The following HACD1 variants were observed in gnomAD, a reference collection of about 807,000 sequenced individuals.
HACD1 encodes very-long-chain (3R)-3-hydroxyacyl-CoA dehydratase 1.
Under a neutral mutation model 32.0 loss-of-function variants are expected in HACD1, and 41 were observed. The ratio of observed to expected loss-of-function variants is 1.28; its 90% CI spans 1.00 to 1.66. The LOEUF is 1.66. Among genes scored for constraint, HACD1 ranks in the 40% most tolerant of loss-of-function variants. The probability of loss-of-function intolerance (pLI) is 0.00; values close to 1 mark genes in which losing one functional copy is unlikely to be tolerated. For missense variants in HACD1, 396 were observed against 380.1 expected (o/e 1.04, Z -0.35); for synonymous variants, 142 against 139.0 (o/e 1.02, Z -0.15).
intron 5 of HACD1, among the ~76,000 whole-genome samples, chr10:17,594,728 G>A (rs1833972544): frequency 6.6e-6 from 1 of 152,106 alleles, no homozygotes; most frequent in Non-Finnish European, 1.5e-5. Context: ...CTGGAGTGCA[G>A]CGGCACAGTC....
intron 5 of HACD1, among the ~76,000 whole-genome samples, chr10:17,595,301 C>G (rs1833982569): frequency 6.6e-6 from 1 of 152,138 alleles, no homozygotes; most frequent in Non-Finnish European, 1.5e-5. Context: ...AATTTTATAT[C>G]TAAACCTTGA....
At chr10:17,613,434 T>G (rs940666545) in intron 1 of HACD1, among the ~76,000 whole-genome samples, 37 of 152,154 alleles carry the variant, frequency 2.4e-4, no homozygotes, top group Non-Finnish European at 5.0e-4. Flanking sequence ...TTCTTCAACC[T>G]TATTTACCAC....
At chr10:17,605,985 T>C (rs1834141641) in intron 1 of HACD1, among the ~76,000 whole-genome samples, 1 of 150,776 alleles carries the variant, frequency 6.6e-6, no homozygotes, top group African/African-American at 2.4e-5. Flanking sequence ...AAAAACAGCC[T>C]GGGCAACATG....
intron 5 of HACD1, 59 bp from the exon 6 acceptor site, chr10:17,594,442 T>C: frequency 7.8e-7 from 1 of 1,278,800 alleles, no homozygotes; most frequent in Non-Finnish European, 1.0e-6. Context: ...GACTTTACAT[T>C]GCAGGTCTAT....
rs71393019 is a variant in HACD1, at chr10:17,591,976, A to ATTTTTTTTTTTTT, written c.785-1543_785-1531dup. ...CCCTGCCTTAACTCACCAGCTACTG[A>ATTTTTTTTTTTTT]TTTTTTTTTTTTTTTTTTTTTTTGA... On this transcript the variant is annotated intron_variant, in intron 6 of 6. Transcript: ENST00000361271. Among the ~76,000 whole-genome samples, 379 of 96,932 alleles carry ATTTTTTTTTTTTT rather than the reference A, an allele frequency of 3.9e-3. 63 individuals are homozygous for ATTTTTTTTTTTTT. Among genetic ancestry groups the ATTTTTTTTTTTTT allele is most frequent in the African/African-American group, 0.015 (344 of 22,280 alleles). 63.6% of individuals were successfully genotyped at this position (96,932 alleles called of 152,430 possible). A position where few individuals can be genotyped will look rare whatever the true frequency, so the allele number is the denominator to read the frequency against.
chr10:17,616,324 T>C (rs1385237169), intron 1 of HACD1, among the ~76,000 whole-genome samples: 2 of 152,144 alleles, frequency 1.3e-5, no homozygotes, highest in African/African-American at 4.8e-5. Flanking sequence ...TTCCTCGCGT[T>C]TACATAAGTT....
Position 17,594,355 on chromosome 10 carries a change from C to A in HACD1, c.634G>T (p.Val212Phe). ...GTAAGAAGTTCACCAGCAACTCCAA[C>A]AGGATATAAGATGATAAAAAAATTA... is the stretch of plus-strand genomic sequence containing the variant. ...RYNFFIILYP[V>F]GVAGELLTIY... is the part of the protein sequence containing the mutation. Residue 212 changes from valine to phenylalanine, a missense_variant, in exon 6 of 7, where the codon GTT becomes TTT. By Grantham distance (50) the Val-to-Phe change is conservative. Transcript: ENST00000361271. The A allele has an allele frequency of 1.3e-6, 2 of 1,546,462 alleles. No homozygotes were observed. Among genetic ancestry groups the A allele is most frequent in the Non-Finnish European group, 1.7e-6 (2 of 1,147,182 alleles).
chr10:17,613,902 C>A (rs1326537222), intron 1 of HACD1, among the ~76,000 whole-genome samples: 1 of 137,198 alleles, frequency 7.3e-6, no homozygotes, highest in African/African-American at 2.9e-5. Context: ...CTTTGAGGGA[C>A]GAGTGAGTCA....
chr10:17,612,120 A>G (rs1203003633), intron 1 of HACD1, among the ~76,000 whole-genome samples: 1 of 151,808 alleles, frequency 6.6e-6, no homozygotes, highest in Non-Finnish European at 1.5e-5. Context: ...AAAAAAAAAA[A>G]AAAAAAAAAA....
chr10:17,600,581 C>T (rs191212838), intron 4 of HACD1, among the ~76,000 whole-genome samples: 5 of 152,212 alleles, frequency 3.3e-5, no homozygotes, highest in African/African-American at 7.2e-5. Flanking sequence ...TTGCCTCAGC[C>T]TCCCAAAGTG....
chr10:17,603,863 T>C, intron 2 of HACD1, 67 bp downstream of exon 2: 1 of 1,492,814 alleles, frequency 6.7e-7, no homozygotes, highest in Non-Finnish European at 9.3e-7. Context: ...TCATATTGAT[T>C]TTGCACAACA....
At chr10:17,607,985 A>G (rs1214579918) in intron 1 of HACD1, among the ~76,000 whole-genome samples, 1 of 152,070 alleles carries the variant, frequency 6.6e-6, no homozygotes, top group African/African-American at 2.4e-5. Context: ...AACAGAAAAT[A>G]TTTCAAAAGC....
chr10:17,591,281 A>G (rs781935531), intron 6 of HACD1, among the ~76,000 whole-genome samples: 1 of 152,122 alleles, frequency 6.6e-6, no homozygotes, highest in Admixed American at 6.6e-5. Context: ...ATACTGATAC[A>G]TGGTTAACCC....
rs76819191 is a variant in HACD1 at position 17,603,701 on chromosome 10, G to C, written c.394+25C>G. The C allele has an allele frequency of 0.029, 45,952 of 1,603,130 alleles. 807 individuals carry two copies. The highest frequency in any genetic ancestry group is 0.066 in the African/African-American group (4,919 of 74,582). On this transcript the variant is annotated intron_variant, in intron 3 of 6. Transcript: ENST00000361271. Reference sequence around the variant, plus strand: ...GCCCTAAAGGCAATTTATAATAAAAGTATAAAATTGAAGCAAAAACTCACC... The same window carrying C: ...GCCCTAAAGGCAATTTATAATAAAACTATAAAATTGAAGCAAAAACTCACC...
chr10:17,609,029 A>G (rs1360996176), intron 1 of HACD1, among the ~76,000 whole-genome samples: 1 of 152,168 alleles, frequency 6.6e-6, no homozygotes, highest in East Asian at 1.9e-4. Context: ...ATCAAGCCCA[A>G]ACTGGAAGAA....
intron 1 of HACD1, among the ~76,000 whole-genome samples, chr10:17,608,295 T>C (rs549926074): frequency 6.6e-6 from 1 of 152,182 alleles, no homozygotes; most frequent in Admixed American, 6.5e-5. Context: ...CCCAAAGTAA[T>C]GGGATTACCG....
rs1588991143 is a variant in HACD1, at chr10:17,606,621, A to G, written c.258-2574T>C. On this transcript the variant is annotated intron_variant, in intron 1 of 6. Transcript: ENST00000361271. ...AAAGATTCCTGCAAAGAATCTACTA[A>G]CTGAATCTGATGAAAATGCATTCTC... 2.6e-5 allele frequency among the ~76,000 whole-genome samples: 4 copies of G among 152,362 alleles called. No individual in the cohort carries two copies. The East Asian group carries it at 7.7e-4, about 29-fold the overall frequency.
intron 6 of HACD1, among the ~76,000 whole-genome samples, chr10:17,591,725 G>A (rs880001109): frequency 6.0e-5 from 6 of 100,402 alleles, no homozygotes; most frequent in Non-Finnish European, 1.4e-4. Flanking sequence ...TCAAACCAAT[G>A]AACCTTATCA....
chr10:17,596,248 T>C (rs1554815992), intron 5 of HACD1, among the ~76,000 whole-genome samples: 1 of 152,224 alleles, frequency 6.6e-6, no homozygotes, highest in Non-Finnish European at 1.5e-5. Context: ...CCAAAATAGA[T>C]GAGCTATTCA....
Sources: allele counts gnomAD v4.1 joint callset (sites outside exome capture counted in the v4.1 genomes callset), GRCh38; gene constraint gnomAD v4.1.1; transcripts MANE v1.5; gene names NCBI Gene and HGNC (gene_info 2026-07-23, HGNC 2026-07-21).